DDX27: variants seen among roughly 807,000 people sequenced by gnomAD.
The protein encoded by DDX27 is DEAD-box helicase 27.
Under a neutral mutation model 99.3 loss-of-function variants are expected in DDX27, and 42 were observed. The ratio of observed to expected loss-of-function variants is 0.42; its 90% CI spans 0.33 to 0.55. DDX27 has a LOEUF of 0.55. DDX27 is among the 20% of genes least tolerant of loss of function. DDX27 has a pLI of 0.07. For missense variants in DDX27, 798 were observed against 976.8 expected (o/e 0.82, Z 2.44); for synonymous variants, 329 against 353.8 (o/e 0.93, Z 0.79).
intron 11 of DDX27, chr20:49,234,558 C>T: frequency 6.2e-6 from 1 of 162,018 alleles, no homozygotes; most frequent in Non-Finnish European, 1.3e-5. Context: ...GCCACTACAT[C>T]CAGCCGCCTG....
At chr20:49,229,648 C>CTT (rs1980029068) in intron 8 of DDX27, among the ~76,000 whole-genome samples, 2 of 82,530 alleles carry the variant, frequency 2.4e-5, no homozygotes. Context: ...TTCAGGCATT[C>CTT]TCTTTTTTTT....
Position 49,233,381 on chromosome 20 carries a change from C to G in DDX27, c.1107C>G (p.Leu369=), listed in dbSNP as rs2146715039. ...GTTCCCACCACCGCCAGACCATGCT[C>G]TTCTCGGCCACCATGACAGACGAGG... ...RMCSHHRQTM[L]FSATMTDEVK... is the part of the protein sequence containing the mutation. The change falls in exon 10 of 21, where the codon CTC becomes CTG. Residue 369 remains leucine (L), a synonymous_variant. Coordinates refer to ENST00000618172, the MANE Select transcript of DDX27 (RefSeq NM_017895.8). The G allele has an allele frequency of 4.3e-6, 7 of 1,614,078 alleles. No homozygotes were observed. The East Asian group carries it at 8.9e-5, about 21-fold the overall frequency.
At chr20:49,220,578 C>T (rs529527885) in intron 1 of DDX27, among the ~76,000 whole-genome samples, 1 of 152,208 alleles carries the variant, frequency 6.6e-6, no homozygotes, top group African/African-American at 2.4e-5. Flanking sequence ...GTCTGGGTCC[C>T]GTACACTGTC....
chr20:49,227,132 G>A (rs1032543272), intron 7 of DDX27, among the ~76,000 whole-genome samples: 1 of 151,988 alleles, frequency 6.6e-6, no homozygotes, highest in Non-Finnish European at 1.5e-5. Flanking sequence ...AAAGTGCTGG[G>A]ATTACAGGCG....
rs781437112 is a variant in DDX27, at chr20:49,236,222, G to A, written c.1500G>A (p.Gly500=). ...CAGCCCGTGGACTTGACATTGAGGG[G>A]GTCAAAACGGTGAGCAGACACTATC... ...DVAARGLDIE[G]VKTVINFTMP... is the part of the protein sequence containing the mutation. Residue 500 remains glycine (G), a synonymous_variant, in exon 13 of 21, where the codon GGG becomes GGA. Coordinates refer to ENST00000618172, the MANE Select transcript of DDX27 (RefSeq NM_017895.8). The surrounding 1 kb of genome is among the most constrained non-coding windows in gnomAD (Gnocchi z 4.1). 1.9e-6 allele frequency: 3 copies of A among 1,606,692 alleles called. No individual in the cohort carries two copies. Among genetic ancestry groups the A allele is most frequent in the Non-Finnish European group, 2.5e-6 (3 of 1,176,580 alleles).
At chr20:49,222,804 C>T (rs1224564123) in intron 2 of DDX27, among the ~76,000 whole-genome samples, 153 bp from the exon 3 acceptor site, 5 of 152,016 alleles carry the variant, frequency 3.3e-5, no homozygotes, top group Admixed American at 6.6e-5. Flanking sequence ...TGAGCCACCG[C>T]GCCCGGCCTA....
chr20:49,232,277 G>A (rs1316208338), intron 9 of DDX27, among the ~76,000 whole-genome samples: 5 of 152,116 alleles, frequency 3.3e-5, no homozygotes, highest in African/African-American at 9.7e-5. Context: ...GACTAGAGAC[G>A]TGGCAGCCAG....
At chr20:49,238,918 T>TA in intron 14 of DDX27, 31 bp from the exon 15 acceptor site, 1 of 1,558,268 alleles carries the variant, frequency 6.4e-7, no homozygotes, top group Non-Finnish European at 8.9e-7. Context: ...CTACCCTTAT[T>TA]TGTAAATCCT....
chr20:49,237,558 G>A (rs528524166), intron 14 of DDX27, among the ~76,000 whole-genome samples: 3 of 152,180 alleles, frequency 2.0e-5, no homozygotes, highest in Admixed American at 6.5e-5. Flanking sequence ...TTCTGTTCTA[G>A]GTGCTGGGGA....
At position 49,235,006 on chromosome 20, in the gene DDX27, C is replaced by T. The variant is rs1980256720; in HGVS notation, c.1345C>T (p.His449Tyr). Reference sequence around the variant, plus strand: ...AACCAAGAAGCAGGCCCACCGCATGCACATCCTCCTGGGGCTCATGGGGCT... The same window carrying T: ...AACCAAGAAGCAGGCCCACCGCATGTACATCCTCCTGGGGCTCATGGGGCT... ...TQTKKQAHRM[H>Y]ILLGLMGLQV... is the part of the protein sequence containing the mutation. The change falls in exon 12 of 21, where the codon CAC becomes TAC. Residue 449 changes from histidine (H) to tyrosine (Y), a missense_variant. By Grantham distance (83) the His-to-Tyr change is moderately conservative. This residue lies in a region of DDX27 where 553 missense variants were observed against 727.9 expected (regional missense o/e 0.76). Coordinates refer to ENST00000618172, the MANE Select transcript of DDX27 (RefSeq NM_017895.8). 1.2e-6 allele frequency: 2 copies of T among 1,613,556 alleles called. No individual in the cohort carries two copies.
At chr20:49,228,967 G>T in intron 8 of DDX27, 79 bp downstream of exon 8, 1 of 1,375,566 alleles carries the variant, frequency 7.3e-7, no homozygotes. Flanking sequence ...CCATCTGTTG[G>T]TGTTGGTGAC....
At chr20:49,230,135 G>C in intron 8 of DDX27, 64 bp from the exon 9 acceptor site, 1 of 1,526,888 alleles carries the variant, frequency 6.5e-7, no homozygotes, top group Non-Finnish European at 8.8e-7. Context: ...TGAGTGGCTG[G>C]TGCTCAGTCA....
chr20:49,242,001 C>T lies in DDX27; in HGVS notation c.1992+14C>T. 1 of 1,613,804 alleles carries T rather than the reference C, an allele frequency of 6.2e-7. No homozygotes were observed. The highest frequency in any genetic ancestry group is 1.3e-5 in the African/African-American group (1 of 75,034). ...GGGGAGATGACAGTGAGTGGCCTCC[C>T]TTTTGGAGTTTGGGCCCACTCGGTG... On this transcript the variant is annotated intron_variant, in intron 17 of 20. Coordinates refer to ENST00000618172, the MANE Select transcript of DDX27 (RefSeq NM_017895.8).
At chr20:49,223,109 G>A (rs1979750427) in intron 3 of DDX27, 93 bp downstream of exon 3, 6 of 1,407,356 alleles carry the variant, frequency 4.3e-6, no homozygotes, top group Middle Eastern at 1.8e-4. Context: ...TATAGAGCGG[G>A]GCATGGCTGG....
Position 49,236,042 on chromosome 20 carries a change from C to G in DDX27, c.1428-108C>G. The G allele has an allele frequency of 1.8e-6, 2 of 1,104,926 alleles. No homozygotes were observed. Among genetic ancestry groups the G allele is most frequent in the South Asian group, 1.6e-5 (1 of 62,286 alleles). The allele number at this position is 1,104,926 out of a possible 1,614,324, so 68.4% of individuals were successfully genotyped here. ...ACAGGCGTGAGCCACCGTGCCCAGCCTCTATCCCCATTTTAATGCCCTGTT... is the reference window on the plus strand; with the variant it reads ...ACAGGCGTGAGCCACCGTGCCCAGCGTCTATCCCCATTTTAATGCCCTGTT... On this transcript the variant is annotated intron_variant, in intron 12 of 20. Transcript: ENST00000618172. The surrounding 1 kb of genome is among the most constrained non-coding windows in gnomAD (Gnocchi z 4.1).
Position 49,229,713 on chromosome 20 carries a change from A to G in DDX27, c.881-486A>G, listed in dbSNP as rs567758176. On this transcript the variant is annotated intron_variant, in intron 8 of 20. Coordinates refer to ENST00000618172, the MANE Select transcript of DDX27 (RefSeq NM_017895.8). ...GCCCAGGTGGGAATGCAATGGCATG[A>G]TCTTGGCTCACTGCAACCTCCACCT... 1.4e-3 allele frequency among the ~76,000 whole-genome samples: 211 copies of G among 148,246 alleles called. 2 individuals are homozygous for G. Among genetic ancestry groups the G allele is most frequent in the African/African-American group, 4.9e-3 (197 of 39,934 alleles).
At position 49,236,242 on chromosome 20, in the gene DDX27, A is replaced by G. The variant is rs1416046015; in HGVS notation, c.1509+11A>G. On this transcript the variant is annotated intron_variant, in intron 13 of 20. Transcript: ENST00000618172. This position sits in a 1 kb window ranked among gnomAD's most constrained non-coding sequence, Gnocchi z 4.1. ...GAGGGGGTCAAAACGGTGAGCAGACACTATCTTCCTTGGACTTTTGGTGGA... is the reference window on the plus strand; with the variant it reads ...GAGGGGGTCAAAACGGTGAGCAGACGCTATCTTCCTTGGACTTTTGGTGGA... 2 of 1,598,870 alleles carry G rather than the reference A, an allele frequency of 1.3e-6. No homozygotes were observed. Among genetic ancestry groups the G allele is most frequent in the East Asian group, 2.2e-5 (1 of 44,532 alleles).
At chr20:49,242,423 G>A (rs533256533) in intron 18 of DDX27, among the ~76,000 whole-genome samples, 171 bp from the exon 19 acceptor site, 12 of 152,256 alleles carry the variant, frequency 7.9e-5, no homozygotes, top group African/African-American at 2.4e-4. Context: ...TTCTGACTCC[G>A]GAGCCTAAGG....
intron 16 of DDX27, among the ~76,000 whole-genome samples, chr20:49,239,553 T>G (rs1980410322): frequency 6.6e-6 from 1 of 152,134 alleles, no homozygotes. Context: ...CATGCGCACT[T>G]CACAATAGGG....
Sources: allele counts gnomAD v4.1 joint callset (sites outside exome capture counted in the v4.1 genomes callset), GRCh38; gene constraint gnomAD v4.1.1; regional missense constraint gnomAD v4.1.1; non-coding constraint Gnocchi (gnomAD v3.1); transcripts MANE v1.5; gene names NCBI Gene and HGNC (gene_info 2026-07-23, HGNC 2026-07-21).